GALNT8: variants seen among roughly 807,000 people sequenced by gnomAD.
GALNT8 encodes probable polypeptide N-acetylgalactosaminyltransferase 8.
A neutral mutation model predicts 62.7 loss-of-function variants in GALNT8; 66 were observed. That is an observed-to-expected ratio of 1.05 (90% CI 0.86 to 1.29). GALNT8 has a LOEUF of 1.29. Ranked by LOEUF, GALNT8 falls within the 50% of genes most tolerant of loss-of-function variation. The pLI is 0.00. For synonymous variants in GALNT8, 288 were observed against 294.3 expected, an observed-to-expected ratio of 0.98 and a Z score of 0.22; for missense variants, 771 against 791.8, an observed-to-expected ratio of 0.97 and a Z score of 0.32.
chr12:4,734,193 C>T (rs978572953), intron 2 of GALNT8, among the ~76,000 whole-genome samples: 2 of 152,098 alleles, frequency 1.3e-5, no homozygotes, highest in Non-Finnish European at 2.9e-5. Context: ...CCACCCTCAC[C>T]GTCTTATAAA....
chr12:4,735,607 A>G (rs1036228660), intron 2 of GALNT8, among the ~76,000 whole-genome samples: 4 of 152,200 alleles, frequency 2.6e-5, no homozygotes, highest in Non-Finnish European at 4.4e-5. Flanking sequence ...CTCTACTCAT[A>G]GGGTGAAATT....
chr12:4,722,882 G>A (rs980563653), intron 1 of GALNT8, among the ~76,000 whole-genome samples: 1 of 151,912 alleles, frequency 6.6e-6, no homozygotes, highest in African/African-American at 2.4e-5. Context: ...AGAGTGAGAA[G>A]GGAGATGAGA....
At chr12:4,732,320 T>C (rs1302273062) in intron 2 of GALNT8, among the ~76,000 whole-genome samples, 1 of 152,278 alleles carries the variant, frequency 6.6e-6, no homozygotes, top group East Asian at 1.9e-4. Context: ...TTGCTTGAGA[T>C]GGTACACTGT....
chr12:4,756,372 A>G (rs1330945064), intron 6 of GALNT8, among the ~76,000 whole-genome samples: 1 of 152,246 alleles, frequency 6.6e-6, no homozygotes, highest in Non-Finnish European at 1.5e-5. Context: ...TTTTTGTGCA[A>G]CATACAAGCC....
intron 10 of GALNT8, 23 bp from the exon 11 acceptor site, chr12:4,772,422 G>A (rs1305911051): frequency 6.2e-7 from 1 of 1,609,226 alleles, no homozygotes. Flanking sequence ...CAGCACCTTG[G>A]CTCTGTCTCT....
At chr12:4,753,292 G>T (rs1380489731) in intron 6 of GALNT8, among the ~76,000 whole-genome samples, 2 of 152,054 alleles carry the variant, frequency 1.3e-5, no homozygotes, top group African/African-American at 2.4e-5. Flanking sequence ...TTTCAGGCCT[G>T]TAACTCTTAC....
In GALNT8 at chr12:4,745,410, C is replaced by T; in HGVS notation, c.861-19C>T. ...TGTCCTCATATCCAAGCTGGGCTTT[C>T]TGCACACTCTTGTTCTAGGGCAGAG... On this transcript the variant is annotated intron_variant, in intron 4 of 10. Coordinates refer to ENST00000252318, the MANE Select transcript of GALNT8 (RefSeq NM_017417.2). 1 of 1,556,820 alleles carries T rather than the reference C, an allele frequency of 6.4e-7. No homozygotes were observed. The highest frequency in any genetic ancestry group is 8.9e-7 in the Non-Finnish European group (1 of 1,127,920).
chr12:4,751,021 A>G (rs1042520860), intron 6 of GALNT8, among the ~76,000 whole-genome samples: 4 of 152,172 alleles, frequency 2.6e-5, no homozygotes, highest in African/African-American at 9.7e-5. Flanking sequence ...AAAACAAGCA[A>G]TGGGGAAAGG....
chr12:4,739,432 C>A, intron 3 of GALNT8, 103 bp downstream of exon 3: 2 of 792,350 alleles, frequency 2.5e-6, no homozygotes, highest in Non-Finnish European at 2.0e-6. Flanking sequence ...TTGGGTTTCT[C>A]ATGTAGGGAA....
chr12:4,736,713 G>A (rs1329150648), intron 2 of GALNT8, among the ~76,000 whole-genome samples: 1 of 151,924 alleles, frequency 6.6e-6, no homozygotes, highest in South Asian at 2.1e-4. Context: ...AATAAACAAC[G>A]AAGCAAATTA....
chr12:4,767,146 G>A (rs1053898966), intron 10 of GALNT8, among the ~76,000 whole-genome samples: 5 of 152,092 alleles, frequency 3.3e-5, no homozygotes, highest in African/African-American at 7.2e-5. Context: ...TGTTCCCCTG[G>A]CCTTAGACAT....
intron 6 of GALNT8, among the ~76,000 whole-genome samples, chr12:4,757,885 G>C (rs576435944): frequency 6.6e-6 from 1 of 152,122 alleles, no homozygotes; most frequent in African/African-American, 2.4e-5. Flanking sequence ...TAGTTACACT[G>C]TGGCTAGGTT....
chr12:4,763,595 C>G (rs1274412897), intron 8 of GALNT8, among the ~76,000 whole-genome samples: 1 of 152,190 alleles, frequency 6.6e-6, no homozygotes, highest in Non-Finnish European at 1.5e-5. Context: ...CTTCTACTCC[C>G]CTTGAAAACT....
At position 4,763,993 on chromosome 12, in the gene GALNT8, AC is replaced by A; in HGVS notation, c.1542del (p.Val515PhefsTer23). The A allele has an allele frequency of 6.2e-7, 1 of 1,600,132 alleles. No individual in the cohort carries two copies. The highest frequency in any genetic ancestry group is 1.1e-5 in the South Asian group (1 of 90,856). Reference protein sequence around the residue: ...LDENVCLDQGPVPGNTPIMYY... With the variant: ...LDENVCLDQGXVPGNTPIMYY... ...ATGAAAATGTCTGCTTGGATCAGGG[AC>A]CCGTTCCAGGCAACACCCCCATCAT... On this transcript the variant is annotated frameshift_variant, in exon 9 of 11. Coordinates refer to ENST00000252318, the MANE Select transcript of GALNT8 (RefSeq NM_017417.2). LOFTEE classifies it high-confidence loss of function.
chr12:4,741,883 T>C (rs1368905875), intron 3 of GALNT8, among the ~76,000 whole-genome samples: 1 of 152,218 alleles, frequency 6.6e-6, no homozygotes, highest in African/African-American at 2.4e-5. Context: ...GGACAGGAAT[T>C]AGAGAGTCTC....
At chr12:4,768,021 C>T (rs926109410) in intron 10 of GALNT8, among the ~76,000 whole-genome samples, 1 of 152,202 alleles carries the variant, frequency 6.6e-6, no homozygotes, top group African/African-American at 2.4e-5. Context: ...TTCCATTAAA[C>T]ATGATGAGCT....
intron 2 of GALNT8, among the ~76,000 whole-genome samples, chr12:4,738,568 G>A (rs1946256156): frequency 6.6e-6 from 1 of 152,042 alleles, no homozygotes; most frequent in Non-Finnish European, 1.5e-5. Context: ...CAATAATAAA[G>A]AAATTAAAAA....
intron 10 of GALNT8, among the ~76,000 whole-genome samples, chr12:4,768,710 A>C (rs1012394001): frequency 3.9e-5 from 6 of 152,178 alleles, no homozygotes; most frequent in Admixed American, 2.6e-4. Flanking sequence ...GTGTTACCTA[A>C]TATTAAGTTA....
intron 4 of GALNT8, among the ~76,000 whole-genome samples, chr12:4,745,008 A>G (rs1022519996): frequency 6.6e-6 from 1 of 152,166 alleles, no homozygotes; most frequent in Non-Finnish European, 1.5e-5. Flanking sequence ...GCCTTTGGTT[A>G]TTTTAAAGGT....
Sources: allele counts gnomAD v4.1 joint callset (sites outside exome capture counted in the v4.1 genomes callset), GRCh38; gene constraint gnomAD v4.1.1; transcripts MANE v1.5; gene names NCBI Gene and HGNC (gene_info 2026-07-23, HGNC 2026-07-21).